Variants in DIAPH3 observed in about 807,000 individuals in gnomAD.
DIAPH3 encodes protein diaphanous homolog 3.
DIAPH3 carries 117 observed loss-of-function variants against 144.3 expected under a neutral mutation model. The observed-to-expected ratio is 0.81, with a 90% CI of 0.70 to 0.95. DIAPH3 has a LOEUF of 0.95. Ranked by LOEUF, DIAPH3 falls within the 40% of genes least tolerant of loss-of-function variation. The pLI, the probability that DIAPH3 is intolerant of heterozygous loss-of-function variation, is 0.00. For synonymous variants in DIAPH3, 519 were observed against 488.9 expected (o/e 1.06, Z -0.81); for missense variants, 1,421 against 1,412.7 (o/e 1.01, Z -0.09).
At chr13:59,881,040 C>T (rs562269003) in intron 20 of DIAPH3, among the ~76,000 whole-genome samples, 51 of 147,276 alleles carry the variant, frequency 3.5e-4, no homozygotes, top group Non-Finnish European at 4.9e-4. Context: ...TAAGTTTAAG[C>T]GATATGAAAT....
At chr13:60,010,715 G>C in intron 7 of DIAPH3, 46 bp from the exon 8 acceptor site, 5 of 1,569,816 alleles carry the variant, frequency 3.2e-6, no homozygotes, top group Non-Finnish European at 4.4e-6. Context: ...AAATTAGTTA[G>C]AAAAATAATA....
intron 4 of DIAPH3, among the ~76,000 whole-genome samples, chr13:60,061,612 A>C (rs1490589174): frequency 4.9e-5 from 7 of 143,182 alleles, no homozygotes; most frequent in Middle Eastern, 3.5e-3. Flanking sequence ...CCCTCCCCCC[A>C]CACACACCTC....
Position 59,910,753 on chromosome 13 carries a change from A to G in DIAPH3, c.2367+982T>C, listed in dbSNP as rs1311995565. 2.6e-5 allele frequency among the ~76,000 whole-genome samples: 4 copies of G among 151,670 alleles called. No homozygotes were observed. The South Asian group carries it at 6.2e-4, about 24-fold the overall frequency. On this transcript the variant is annotated intron_variant, in intron 20 of 27. Transcript: ENST00000400324. The stretch of plus-strand genomic sequence containing the variant: ...TCAAGTATTTAAAAAAAAAAAAAAA[A>G]AAGTTTTAGAATAAGAATTATAAGA...
intron 27 of DIAPH3, among the ~76,000 whole-genome samples, chr13:59,705,909 G>A (rs1157917225): frequency 6.6e-6 from 1 of 151,674 alleles, no homozygotes; most frequent in Non-Finnish European, 1.5e-5. Context: ...GTTCTATTTT[G>A]TGTTTCATGA....
At chr13:59,709,588 G>T (rs2138817953) in intron 27 of DIAPH3, among the ~76,000 whole-genome samples, 1 of 152,306 alleles carries the variant, frequency 6.6e-6, no homozygotes, top group Non-Finnish European at 1.5e-5. Context: ...TAAAAAGTCA[G>T]CAAACAACAG....
rs374957036 is a variant in DIAPH3 at position 59,793,949 on chromosome 13, C to T, written c.3163+16839G>A. Among the ~76,000 whole-genome samples, 31 of 152,212 alleles carry T rather than the reference C, an allele frequency of 2.0e-4. No individual in the cohort carries two copies. In the East Asian group the frequency reaches 4.8e-3, roughly 24 times the overall value. On this transcript the variant is annotated intron_variant, in intron 25 of 27. Coordinates refer to ENST00000400324, the MANE Select transcript of DIAPH3 (RefSeq NM_001042517.2). The stretch of plus-strand genomic sequence containing the variant: ...ACCTCAAATATAATACAGACTGTTC[C>T]CAACTTACAATTTTTTGACTTTACA...
Position 59,992,597 on chromosome 13 carries a change from A to G in DIAPH3, c.1015-14T>C. On this transcript the variant is annotated splice_polypyrimidine_tract_variant and intron_variant, in intron 9 of 27. Transcript: ENST00000400324. Reference sequence around the variant, plus strand: ...CATACAAGCTACCTACAAGAGATCAAACAGTGAGACAGACTGGGTTTCCAA... The same window carrying G: ...CATACAAGCTACCTACAAGAGATCAGACAGTGAGACAGACTGGGTTTCCAA... 6.3e-7 allele frequency: 1 copy of G among 1,595,968 alleles called. No individual in the cohort carries two copies. Among genetic ancestry groups the G allele is most frequent in the Non-Finnish European group, 8.6e-7 (1 of 1,165,042 alleles).
intron 4 of DIAPH3, among the ~76,000 whole-genome samples, chr13:60,051,326 A>G (rs1352344479): frequency 6.6e-6 from 1 of 152,164 alleles, no homozygotes; most frequent in Non-Finnish European, 1.5e-5. Context: ...AGGCTCAGAA[A>G]AACAAACAAG....
chr13:59,827,040 A>C (rs1354126998), intron 24 of DIAPH3, among the ~76,000 whole-genome samples: 1 of 152,218 alleles, frequency 6.6e-6, no homozygotes, highest in African/African-American at 2.4e-5. Context: ...TTCAAGATGG[A>C]ATAAAGACTT....
chr13:59,815,689 C>CAAGT (rs1331810560), intron 24 of DIAPH3, among the ~76,000 whole-genome samples: 1 of 152,086 alleles, frequency 6.6e-6, no homozygotes, highest in Non-Finnish European at 1.5e-5. Flanking sequence ...ATCCTGGGTT[C>CAAGT]AAGTGATCCT....
chr13:60,006,429 T>C (rs915456754), intron 9 of DIAPH3, among the ~76,000 whole-genome samples: 4 of 152,146 alleles, frequency 2.6e-5, no homozygotes, highest in African/African-American at 7.2e-5. Context: ...CAAATAATTA[T>C]AGATTCATAG....
intron 4 of DIAPH3, among the ~76,000 whole-genome samples, chr13:60,075,850 C>T (rs144374273): frequency 0.014 from 2,100 of 152,316 alleles, 24 homozygotes; most frequent in Non-Finnish European, 0.021. Context: ...GTGCCACGGT[C>T]CTCCAGATGT....
At chr13:60,073,766 T>TTACTAAA (rs1338811912) in intron 4 of DIAPH3, among the ~76,000 whole-genome samples, 4 of 152,232 alleles carry the variant, frequency 2.6e-5, no homozygotes, top group African/African-American at 9.6e-5. Context: ...TAAATAAAAG[T>TTACTAAA]TACTAAATGA....
intron 9 of DIAPH3, among the ~76,000 whole-genome samples, chr13:60,008,162 C>T (rs1279863908): frequency 6.6e-5 from 10 of 151,860 alleles, no homozygotes; most frequent in Admixed American, 4.6e-4. Context: ...GGGAGGCCGA[C>T]GCGGGTAGAT....
At chr13:59,693,428 A>G (rs1223933535) in intron 27 of DIAPH3, among the ~76,000 whole-genome samples, 1 of 152,196 alleles carries the variant, frequency 6.6e-6, no homozygotes, top group Non-Finnish European at 1.5e-5. Flanking sequence ...TCTGATTGTC[A>G]AAACTCAGGC....
At chr13:59,984,015 A>C in intron 12 of DIAPH3, 128 bp from the exon 13 acceptor site, 1 of 668,252 alleles carries the variant, frequency 1.5e-6, no homozygotes, top group South Asian at 1.8e-5. Flanking sequence ...AATAGTTGAC[A>C]CAACAGATTT....
chr13:59,803,642 C>T (rs1436478926), intron 25 of DIAPH3, among the ~76,000 whole-genome samples: 1 of 152,114 alleles, frequency 6.6e-6, no homozygotes, highest in Non-Finnish European at 1.5e-5. Flanking sequence ...AGTCTGAGAA[C>T]CTCCTCTTTT....
At chr13:59,942,936 T>C (rs1253500100) in intron 17 of DIAPH3, among the ~76,000 whole-genome samples, 1 of 152,216 alleles carries the variant, frequency 6.6e-6, no homozygotes, top group Admixed American at 6.5e-5. Flanking sequence ...ATAATTTAGC[T>C]ATTTTCCTTA....
chr13:60,089,380 C>T (rs2057855608), intron 4 of DIAPH3, among the ~76,000 whole-genome samples: 1 of 151,900 alleles, frequency 6.6e-6, no homozygotes, highest in African/African-American at 2.4e-5. Context: ...ATAATCAAAC[C>T]CTAATAAAGA....
Sources: gnomAD v4.1 joint callset for allele counts (sites outside exome capture counted in the v4.1 genomes callset) on GRCh38, gnomAD v4.1.1 for gene constraint, MANE v1.5 for transcripts, NCBI Gene and HGNC (gene_info 2026-07-23, HGNC 2026-07-21) for gene names.